Variants in PHC3 observed in about 807,000 individuals in gnomAD.
PHC3 encodes polyhomeotic-like protein 3.
Under a neutral mutation model 107.4 loss-of-function variants are expected in PHC3, and 13 were observed. That is an observed-to-expected ratio of 0.12 (90% CI 0.08 to 0.19). The LOEUF is 0.19. Ranked by LOEUF, PHC3 falls within the 10% of genes least tolerant of loss-of-function variation. The pLI, the probability that PHC3 is intolerant of heterozygous loss-of-function variation, is 1.00. For missense variants in PHC3, 992 were observed against 1,210.9 expected (o/e 0.82, Z 2.68); for synonymous variants, 456 against 427.4 (o/e 1.07, Z -0.83).
At chr3:170,158,044 C>T (rs1029848002) in intron 4 of PHC3, among the ~76,000 whole-genome samples, 4 of 151,870 alleles carry the variant, frequency 2.6e-5, no homozygotes, top group Non-Finnish European at 4.4e-5. Context: ...AAGAAACAAA[C>T]CATTTGCTTA....
intron 11 of PHC3, 130 bp from the exon 12 acceptor site, chr3:170,107,076 T>G (rs1246846944): frequency 3.7e-6 from 2 of 544,530 alleles, no homozygotes; most frequent in African/African-American, 3.8e-5. Flanking sequence ...CCACAGCCAC[T>G]CTGGCAGGGC....
intron 8 of PHC3, among the ~76,000 whole-genome samples, chr3:170,124,557 G>A (rs992448027): frequency 1.3e-5 from 2 of 151,866 alleles, no homozygotes; most frequent in African/African-American, 4.8e-5. Flanking sequence ...TAGAGATGAG[G>A]TCTCACTATG....
At position 170,087,933 on chromosome 3, in the gene PHC3, A is replaced by T. The variant is rs1012040665; in HGVS notation, c.*9297T>A. The T allele has an allele frequency of 3.9e-5, 6 of 152,094 alleles. No individual in the cohort carries two copies. Among genetic ancestry groups the T allele is most frequent in the Non-Finnish European group, 8.8e-5 (6 of 67,976 alleles). The allele number at this position is 152,094 out of a possible 1,614,324, so 9.4% of individuals were successfully genotyped here. On this transcript the variant is annotated 3_prime_UTR_variant, in exon 15 of 15. Transcript: ENST00000495893. ...AATATGAAAGTGCTTTCTCTTTTTTAAAAAAATACACCAAATGGACACTTT... is the reference window on the plus strand; with the variant it reads ...AATATGAAAGTGCTTTCTCTTTTTTTAAAAAATACACCAAATGGACACTTT...
At chr3:170,122,447 T>TA (rs1720529413) in intron 9 of PHC3, 144 bp downstream of exon 9, 3 of 820,000 alleles carry the variant, frequency 3.7e-6, no homozygotes, top group Non-Finnish European at 3.8e-6. Flanking sequence ...CCATAAAAAA[T>TA]AAAAAATCAG....
At chr3:170,122,529 CTT>C in intron 9 of PHC3, 60 bp downstream of exon 9, 1 of 1,556,330 alleles carries the variant, frequency 6.4e-7, no homozygotes, top group Non-Finnish European at 8.9e-7. Flanking sequence ...AAAAAATCAA[CTT>C]TTCCTATTAT....
chr3:170,101,180 T>C (rs1054038132), intron 14 of PHC3, among the ~76,000 whole-genome samples: 4 of 152,232 alleles, frequency 2.6e-5, no homozygotes, highest in Non-Finnish European at 5.9e-5. Context: ...CGTGGGCACA[T>C]GCACATGTTT....
chr3:170,171,920 G>T (rs1163219875), intron 3 of PHC3, among the ~76,000 whole-genome samples: 1 of 152,168 alleles, frequency 6.6e-6, no homozygotes, highest in Non-Finnish European at 1.5e-5. Context: ...CTGGTGAGGG[G>T]ATTTAAGATT....
At chr3:170,177,658 C>T (rs149452368) in intron 2 of PHC3, among the ~76,000 whole-genome samples, 1,822 of 149,064 alleles carry the variant, frequency 0.012, 40 homozygotes, top group African/African-American at 0.043. Flanking sequence ...TGAGCCACCA[C>T]GCCCAGCATT....
At chr3:170,141,900 G>A (rs547071133) in intron 6 of PHC3, among the ~76,000 whole-genome samples, 12 of 152,214 alleles carry the variant, frequency 7.9e-5, no homozygotes, top group East Asian at 1.9e-4. Context: ...TACCTCGCCC[G>A]GCCTGTAAAT....
At chr3:170,105,673 TCTAC>T (rs1716363940) in intron 12 of PHC3, among the ~76,000 whole-genome samples, 1 of 152,180 alleles carries the variant, frequency 6.6e-6, no homozygotes, top group African/African-American at 2.4e-5. Context: ...CCAATTCTCT[TCTAC>T]CTATTTTGAA....
intron 4 of PHC3, among the ~76,000 whole-genome samples, chr3:170,162,411 T>C (rs1040522417): frequency 5.3e-5 from 8 of 152,204 alleles, no homozygotes; most frequent in African/African-American, 1.9e-4. Context: ...GCTCCCAATT[T>C]TTCCAGATGC....
At chr3:170,152,584 C>CTT (rs1284177086) in intron 4 of PHC3, among the ~76,000 whole-genome samples, 4 of 151,986 alleles carry the variant, frequency 2.6e-5, no homozygotes, top group African/African-American at 4.8e-5. Flanking sequence ...TCTTTTCAGA[C>CTT]CATTCCCTCT....
chr3:170,130,126 T>C (rs955925146), intron 7 of PHC3, among the ~76,000 whole-genome samples: 10 of 152,240 alleles, frequency 6.6e-5, no homozygotes, highest in African/African-American at 2.2e-4. Flanking sequence ...TTTGTTCTTA[T>C]TATATTTTAT....
At chr3:170,124,261 G>A (rs1577064169) in intron 8 of PHC3, among the ~76,000 whole-genome samples, 1 of 152,112 alleles carries the variant, frequency 6.6e-6, no homozygotes, top group East Asian at 1.9e-4. Context: ...TATGAAAAAT[G>A]ATTACTAAAA....
chr3:170,146,676 G>A (rs1725018503), intron 5 of PHC3, among the ~76,000 whole-genome samples: 1 of 150,478 alleles, frequency 6.6e-6, no homozygotes, highest in South Asian at 2.1e-4. Context: ...GGGATTACAG[G>A]CATACGCCAC....
rs1713693444 is a variant in PHC3 at position 170,088,252 on chromosome 3, T to C, written c.*8978A>G. ...GTTTTAATAATATGAAAGTCCTATT[T>C]TAGAACAATGGGAGGAACCAAAAGG... On this transcript the variant is annotated 3_prime_UTR_variant, in exon 15 of 15. Transcript: ENST00000495893. 6.6e-6 allele frequency: 1 copy of C among 152,196 alleles called. No homozygotes were observed. Among genetic ancestry groups the C allele is most frequent in the Non-Finnish European group, 1.5e-5 (1 of 68,018 alleles). 9.4% of individuals were successfully genotyped at this position (152,196 alleles called of 1,614,324 possible). A position where few individuals can be genotyped will look rare whatever the true frequency, so the allele number is the denominator to read the frequency against.
chr3:170,167,546 G>A (rs1236578265), intron 4 of PHC3, among the ~76,000 whole-genome samples: 1 of 152,150 alleles, frequency 6.6e-6, no homozygotes, highest in African/African-American at 2.4e-5. Context: ...GATCACTTCA[G>A]GTCAGGAGTT....
chr3:170,116,237 G>C (rs1289911068), intron 10 of PHC3, among the ~76,000 whole-genome samples: 1 of 152,086 alleles, frequency 6.6e-6, no homozygotes, highest in Non-Finnish European at 1.5e-5. Context: ...CATCAATTGG[G>C]TAGCTTCAGA....
rs192074410 is a variant in PHC3 at position 170,129,133 on chromosome 3, T to C, written c.1339A>G (p.Asn447Asp). The change falls in exon 8 of 15, where the codon AAT becomes GAT. Residue 447 changes from asparagine (N) to aspartate (D), a missense_variant. Around this residue, in one of 6 missense-constraint regions of PHC3, gnomAD observed 543 missense variants for 590.8 expected, o/e 0.92. Coordinates refer to ENST00000495893, the MANE Select transcript of PHC3 (RefSeq NM_024947.4). ...TGATTAGCAGTGGACTGCTGCAAAT[T>C]TGGCCCTGGCTGGAGAGCTGATGAC... ...LVSSALQPGP[N>D]LQQSTANQVQ... The C allele has an allele frequency of 2.5e-4, 411 of 1,613,692 alleles. No homozygotes were observed. Among genetic ancestry groups the C allele is most frequent in the Non-Finnish European group, 3.3e-4 (395 of 1,179,750 alleles).
Sources: gnomAD v4.1 joint callset for allele counts (sites outside exome capture counted in the v4.1 genomes callset) on GRCh38, gnomAD v4.1.1 for gene constraint, gnomAD v4.1.1 regional missense constraint, MANE v1.5 for transcripts, NCBI Gene and HGNC (gene_info 2026-07-23, HGNC 2026-07-21) for gene names.